The following CPPED1 variants were observed in gnomAD, a reference collection of about 807,000 sequenced individuals.
The protein encoded by CPPED1 is serine/threonine-protein phosphatase CPPED1.
Under a neutral mutation model 28.0 loss-of-function variants are expected in CPPED1, and 28 were observed. The observed-to-expected ratio is 1.00, with a 90% CI of 0.74 to 1.37. The LOEUF is 1.37. CPPED1 is among the 40% of genes most tolerant of loss of function. The probability of loss-of-function intolerance (pLI) is 0.00; values close to 1 mark genes in which losing one functional copy is unlikely to be tolerated. For synonymous variants in CPPED1, 198 were observed against 180.2 expected (o/e 1.10, Z -0.79); for missense variants, 504 against 416.5 (o/e 1.21, Z -1.83).
chr16:12,803,872 G>A lies in CPPED1; in HGVS notation c.-96C>T. On this transcript the variant is annotated 5_prime_UTR_variant, in exon 1 of 4. Coordinates refer to ENST00000381774, the MANE Select transcript of CPPED1 (RefSeq NM_018340.3). ...CCGCTGGACCTGTCCCGCTTTGGGC[G>A]ACGCCCTTTGATCTCGGGGCGGGAC... 2 of 1,195,876 alleles carry A rather than the reference G, an allele frequency of 1.7e-6. No individual in the cohort carries two copies. The highest frequency in any genetic ancestry group is 2.3e-6 in the Non-Finnish European group (2 of 874,040). 74.1% of individuals were successfully genotyped at this position (1,195,876 alleles called of 1,614,324 possible).
intron 3 of CPPED1, among the ~76,000 whole-genome samples, chr16:12,684,007 G>A (rs1172524266): frequency 6.6e-6 from 1 of 152,082 alleles, no homozygotes; most frequent in African/African-American, 2.4e-5. Flanking sequence ...AAGTTCCAAG[G>A]CGGAAGAAGA....
chr16:12,729,841 G>A (rs1751526710), intron 2 of CPPED1, among the ~76,000 whole-genome samples: 1 of 152,190 alleles, frequency 6.6e-6, no homozygotes, highest in South Asian at 2.1e-4. Flanking sequence ...ACATGGACAA[G>A]TAGCAATGGG....
At chr16:12,723,020 C>G (rs1291986002) in intron 2 of CPPED1, among the ~76,000 whole-genome samples, 1 of 152,170 alleles carries the variant, frequency 6.6e-6, no homozygotes, top group Non-Finnish European at 1.5e-5. Flanking sequence ...CAGCGGGGCT[C>G]TCTCAGAATC....
intron 2 of CPPED1, chr16:12,753,742 G>C (rs1295857196): frequency 6.6e-6 from 1 of 152,202 alleles, no homozygotes; most frequent in Non-Finnish European, 1.5e-5. Flanking sequence ...TCCACAGGGA[G>C]CCTGTGGTTC....
chr16:12,699,089 C>T (rs1346698148), intron 3 of CPPED1, among the ~76,000 whole-genome samples: 2 of 151,998 alleles, frequency 1.3e-5, no homozygotes, highest in African/African-American at 2.4e-5. Flanking sequence ...CATAAAGGAC[C>T]GAGAAAATGT....
chr16:12,749,506 G>A (rs1460784795), intron 2 of CPPED1, among the ~76,000 whole-genome samples: 9 of 152,072 alleles, frequency 5.9e-5, no homozygotes, highest in Admixed American at 5.9e-4. Flanking sequence ...TAAACCCTTC[G>A]AAGTCATCCA....
intron 2 of CPPED1, chr16:12,780,884 T>A (rs1464126713): frequency 2.6e-6 from 1 of 377,614 alleles, no homozygotes; most frequent in Non-Finnish European, 4.8e-6. Context: ...TGGAAGCAGT[T>A]CAAGTTTGTC....
intron 3 of CPPED1, among the ~76,000 whole-genome samples, chr16:12,684,030 C>A (rs188915659): frequency 8.5e-5 from 13 of 152,286 alleles, no homozygotes; most frequent in African/African-American, 2.9e-4. Flanking sequence ...TAAGGGCCAA[C>A]GAAAAGCCTT....
At chr16:12,791,641 G>A (rs1451586877) in intron 1 of CPPED1, among the ~76,000 whole-genome samples, 1 of 152,180 alleles carries the variant, frequency 6.6e-6, no homozygotes, top group Admixed American at 6.5e-5. Context: ...GGGAGAAGGA[G>A]GCTGGCAGGA....
chr16:12,801,591 C>T (rs1279547355), intron 1 of CPPED1, among the ~76,000 whole-genome samples: 4 of 152,002 alleles, frequency 2.6e-5, no homozygotes, highest in African/African-American at 7.3e-5. Flanking sequence ...TAACCCAGAA[C>T]ATAGCTTGTA....
At chr16:12,705,195 C>T in intron 2 of CPPED1, 146 bp from the exon 3 acceptor site, 3 of 875,876 alleles carry the variant, frequency 3.4e-6, no homozygotes, top group Non-Finnish European at 5.1e-6. Flanking sequence ...AAAATGCAGT[C>T]ACGTGCTAAA....
chr16:12,694,620 G>A (rs929529992), intron 3 of CPPED1, among the ~76,000 whole-genome samples: 4 of 150,400 alleles, frequency 2.7e-5, no homozygotes, highest in South Asian at 4.2e-4. Context: ...TAGGCCAAAC[G>A]TGGGAAAATG....
In CPPED1 at chr16:12,781,281, T is replaced by C. The variant is rs755363187; in HGVS notation, c.193A>G (p.Ile65Val). The change falls in exon 2 of 4, where the codon ATC becomes GTC. Residue 65 changes from isoleucine to valine, a missense_variant. Ile to Val is a conservative substitution (Grantham distance 29). Transcript: ENST00000381774. ...TGGACGGCTTGCTCAGTTAGACGGA[T>C]CTCCTGTTCCCATTCGTCACCGCCA... ...DNGGDEWEQE[I>V]RLTEQAVQAI... 1 of 1,614,112 alleles carries C rather than the reference T, an allele frequency of 6.2e-7. No individual in the cohort carries two copies.
chr16:12,781,359 C>A lies in CPPED1; in HGVS notation c.115G>T (p.Ala39Ser), dbSNP rs375846379. 1.2e-6 allele frequency: 2 copies of A among 1,613,954 alleles called. No individual in the cohort carries two copies. Among genetic ancestry groups the A allele is most frequent in the African/African-American group, 2.7e-5 (2 of 74,888 alleles). The change falls in exon 2 of 4, where the codon GCA (alanine) becomes TCA (serine). Residue 39 changes from alanine (A) to serine (S), a missense_variant. Physicochemically the swap from Ala to Ser is moderately conservative, Grantham distance 99. Coordinates refer to ENST00000381774, the MANE Select transcript of CPPED1 (RefSeq NM_018340.3). ...WKGPFYFILG[A>S]DPQFGLIKAW... Reference sequence around the variant, plus strand: ...TTGATCAGCCCAAACTGTGGGTCTGCGCCCAGGATGAAGTAGAATGGGCCT... The same window carrying A: ...TTGATCAGCCCAAACTGTGGGTCTGAGCCCAGGATGAAGTAGAATGGGCCT...
chr16:12,732,954 C>T (rs1279339176), intron 2 of CPPED1, among the ~76,000 whole-genome samples: 1 of 152,102 alleles, frequency 6.6e-6, no homozygotes, highest in African/African-American at 2.4e-5. Context: ...CACAGAAATC[C>T]TAAGATCACA....
In CPPED1 at chr16:12,681,152, C is replaced by T. The variant is rs112707202; in HGVS notation, c.716-16037G>A. On this transcript the variant is annotated intron_variant, in intron 3 of 3. Coordinates refer to ENST00000381774, the MANE Select transcript of CPPED1 (RefSeq NM_018340.3). ...TTTCCCCCCGTAAAGAATAGCCATG[C>T]GTTATTATTTCAATGTGCCCCCCAA... Among the ~76,000 whole-genome samples, 661 of 138,024 alleles carry T rather than the reference C, an allele frequency of 4.8e-3. 8 individuals carry two copies. Among genetic ancestry groups the T allele is most frequent in the African/African-American group, 0.017 (630 of 36,842 alleles). 90.5% of individuals were successfully genotyped at this position (138,024 alleles called of 152,430 possible).
At chr16:12,787,405 CT>C (rs57802112) in intron 1 of CPPED1, among the ~76,000 whole-genome samples, 8,030 of 140,276 alleles carry the variant, frequency 0.057, 160 homozygotes, top group Middle Eastern at 0.087. Flanking sequence ...ATTTTTCTTT[CT>C]TTTTTTTTTT....
intron 2 of CPPED1, among the ~76,000 whole-genome samples, chr16:12,772,250 C>A (rs2080474452): frequency 6.6e-6 from 1 of 152,174 alleles, no homozygotes; most frequent in Non-Finnish European, 1.5e-5. Flanking sequence ...TGAAGGTGAA[C>A]AGCTACCAAA....
Position 12,670,636 on chromosome 16 carries a change from T to C in CPPED1, c.716-5521A>G, listed in dbSNP as rs1344594960. Among the ~76,000 whole-genome samples the C allele has an allele frequency of 6.6e-6, 1 of 152,154 alleles. No homozygotes were observed. Among genetic ancestry groups the C allele is most frequent in the African/African-American group, 2.4e-5 (1 of 41,416 alleles). On this transcript the variant is annotated intron_variant, in intron 3 of 3. Coordinates refer to ENST00000381774, the MANE Select transcript of CPPED1 (RefSeq NM_018340.3). The surrounding 1 kb of genome is among the most constrained non-coding windows in gnomAD (Gnocchi z 4.2). ...TGGCACTTCACCTCTGTGGTCTTCCTCTCCCAAATCCATCACCCCAGTCTA... is the reference window on the plus strand; with the variant it reads ...TGGCACTTCACCTCTGTGGTCTTCCCCTCCCAAATCCATCACCCCAGTCTA...
Sources: allele counts gnomAD v4.1 joint callset (sites outside exome capture counted in the v4.1 genomes callset), GRCh38; gene constraint gnomAD v4.1.1; non-coding constraint Gnocchi (gnomAD v3.1); transcripts MANE v1.5; gene names NCBI Gene and HGNC (gene_info 2026-07-23, HGNC 2026-07-21).